AUNIP: variants seen among roughly 807,000 people sequenced by gnomAD.
AUNIP encodes the protein aurora kinase A and ninein interacting protein.
AUNIP carries 16 observed loss-of-function variants against 12.2 expected under a neutral mutation model. That is an observed-to-expected ratio of 1.31 (90% CI 0.88 to 1.99). AUNIP has a LOEUF of 1.99. Among genes scored for constraint, AUNIP ranks in the 30% most tolerant of loss-of-function variants. The pLI is 0.00. For synonymous variants in AUNIP, 142 were observed against 154.8 expected (o/e 0.92, Z 0.61); for missense variants, 411 against 419.1 (o/e 0.98, Z 0.17).
chr1:25,844,199 C>T (rs886545230), intron 1 of AUNIP, among the ~76,000 whole-genome samples: 2 of 152,206 alleles, frequency 1.3e-5, no homozygotes, highest in South Asian at 2.1e-4. Context: ...CTCCACCTCC[C>T]GGGTTCAAGC....
intron 1 of AUNIP, among the ~76,000 whole-genome samples, chr1:25,842,172 A>G (rs1035074463): frequency 5.3e-5 from 8 of 152,250 alleles, no homozygotes; most frequent in Non-Finnish European, 1.2e-4. Context: ...ATGCAAAGGA[A>G]AAGTTCTTGA....
At chr1:25,855,128 A>C (rs750503577) in intron 1 of AUNIP, among the ~76,000 whole-genome samples, 17 of 151,562 alleles carry the variant, frequency 1.1e-4, no homozygotes, top group Non-Finnish European at 2.5e-4. Flanking sequence ...GGCTAATTTT[A>C]GTATTTTCAG....
At chr1:25,837,014 A>G (rs1380328542) in intron 2 of AUNIP, among the ~76,000 whole-genome samples, 3 of 152,206 alleles carry the variant, frequency 2.0e-5, no homozygotes, top group African/African-American at 7.2e-5. Flanking sequence ...TGAACCTTTC[A>G]CTAATTTGAG....
Position 25,835,516 on chromosome 1 carries a change from A to C in AUNIP, c.551T>G (p.Leu184Trp), listed in dbSNP as rs372811027. ...CCCTTTTTCTTCCTTTCGGTCTAGC[A>C]AACAAGAACTTTCCAAGTCCTCGGT... ...SFTEDLESSC[L>W]LDRKEEKGDS... Residue 184 changes from leucine (L) to tryptophan (W), a missense_variant, in exon 3 of 3, where the codon TTG becomes TGG. Transcript: ENST00000374298. 2.5e-6 allele frequency: 4 copies of C among 1,614,230 alleles called. No homozygotes were observed. Among genetic ancestry groups the C allele is most frequent in the Non-Finnish European group, 3.4e-6 (4 of 1,180,042 alleles).
chr1:25,856,035 C>T (rs906005691), intron 1 of AUNIP, among the ~76,000 whole-genome samples: 1 of 152,140 alleles, frequency 6.6e-6, no homozygotes, highest in African/African-American at 2.4e-5. Context: ...TTCACCATAA[C>T]ATTGCCAGGG....
Position 25,835,425 on chromosome 1 carries a change from G to T in AUNIP, c.642C>A (p.His214Gln), listed in dbSNP as rs1271002711. Residue 214 changes from histidine (H) to glutamine (Q), a missense_variant, in exon 3 of 3, where the codon CAC becomes CAA. Physicochemically the swap from His to Gln is conservative, Grantham distance 24 (BLOSUM62 0). Transcript: ENST00000374298. ...AGCATTTGTCCCCAGGTAGTTTGGTGTGTTTCTCCATACTCTGATAGTTCT... is the reference window on the plus strand; with the variant it reads ...AGCATTTGTCCCCAGGTAGTTTGGTTTGTTTCTCCATACTCTGATAGTTCT... ...SKKNYQSMEK[H>Q]TKLPGDKCCQ... is the part of the protein sequence containing the mutation. The T allele has an allele frequency of 6.2e-7, 1 of 1,614,224 alleles. No individual in the cohort carries two copies. The highest frequency in any genetic ancestry group is 8.5e-7 in the Non-Finnish European group (1 of 1,180,040).
At chr1:25,832,075 A>G (rs1399218869), downstream of AUNIP, 10 of 1,613,672 alleles carry the variant, frequency 6.2e-6, no homozygotes, top group African/African-American at 1.3e-5. Flanking sequence ...AATACCTTCA[A>G]TAGCTGCCTT....
intron 1 of AUNIP, among the ~76,000 whole-genome samples, chr1:25,846,141 C>T (rs1406448272): frequency 5.9e-5 from 9 of 152,250 alleles, no homozygotes; most frequent in South Asian, 4.1e-4. Flanking sequence ...GCTCCCAGGC[C>T]GGGTGCGGCG....
intron 1 of AUNIP, among the ~76,000 whole-genome samples, chr1:25,848,700 G>A (rs777606877): frequency 5.9e-5 from 9 of 152,100 alleles, no homozygotes; most frequent in Non-Finnish European, 1.3e-4. Context: ...CTCTATAAGG[G>A]CTGAAAACTA....
intron 2 of AUNIP, among the ~76,000 whole-genome samples, chr1:25,837,158 C>T (rs1033972982): frequency 2.6e-5 from 4 of 151,926 alleles, no homozygotes; most frequent in Non-Finnish European, 5.9e-5. Flanking sequence ...GTACACCCTT[C>T]CTGACTGCTC....
chr1:25,855,704 C>T (rs2048455654), intron 1 of AUNIP, among the ~76,000 whole-genome samples: 1 of 152,134 alleles, frequency 6.6e-6, no homozygotes, highest in Non-Finnish European at 1.5e-5. Context: ...TTCAAAAACA[C>T]AGACACTAGG....
At chr1:25,843,906 G>A (rs1181607909) in intron 1 of AUNIP, among the ~76,000 whole-genome samples, 1 of 152,112 alleles carries the variant, frequency 6.6e-6, no homozygotes, top group Non-Finnish European at 1.5e-5. Context: ...CTCCTGGTGA[G>A]GATGCCGTGA....
chr1:25,857,939 G>A (rs1460170138), intron 1 of AUNIP, among the ~76,000 whole-genome samples: 1 of 151,958 alleles, frequency 6.6e-6, no homozygotes, highest in East Asian at 1.9e-4. Context: ...AGGCTGAGGC[G>A]GGCAGATCAC....
intron 1 of AUNIP, among the ~76,000 whole-genome samples, chr1:25,839,795 C>G (rs556313915): frequency 3.9e-5 from 6 of 152,134 alleles, no homozygotes; most frequent in Non-Finnish European, 2.9e-5. Context: ...TCCTGAGCAG[C>G]TGGGATTACA....
chr1:25,841,151 GCT>G (rs1386035770), intron 1 of AUNIP, among the ~76,000 whole-genome samples: 1 of 152,186 alleles, frequency 6.6e-6, no homozygotes, highest in African/African-American at 2.4e-5. Flanking sequence ...CCCAGTTATA[GCT>G]CTCTTAGAAG....
At chr1:25,855,953 G>A (rs893538525) in intron 1 of AUNIP, among the ~76,000 whole-genome samples, 5 of 152,208 alleles carry the variant, frequency 3.3e-5, no homozygotes, top group Non-Finnish European at 5.9e-5. Flanking sequence ...CTAGAAATCA[G>A]AATAAGTTAA....
At chr1:25,856,649 C>T (rs761282490) in intron 1 of AUNIP, among the ~76,000 whole-genome samples, 12 of 151,926 alleles carry the variant, frequency 7.9e-5, no homozygotes, top group Non-Finnish European at 1.6e-4. Context: ...CACTCCAGCC[C>T]GGGCAACAAG....
At chr1:25,854,920 A>AATG (rs1261837254) in intron 1 of AUNIP, among the ~76,000 whole-genome samples, 5 of 151,626 alleles carry the variant, frequency 3.3e-5, no homozygotes, top group Non-Finnish European at 7.4e-5. Flanking sequence ...CTAAAGCTGC[A>AATG]ATGTCATTTA....
intron 1 of AUNIP, among the ~76,000 whole-genome samples, chr1:25,857,285 A>C: frequency 7.3e-6 from 1 of 136,738 alleles, no homozygotes. Flanking sequence ...GTCTTCTGTC[A>C]CCCAGGCTGG....
Sources: gnomAD v4.1 joint callset for allele counts (sites outside exome capture counted in the v4.1 genomes callset) on GRCh38, gnomAD v4.1.1 for gene constraint, MANE v1.5 for transcripts, NCBI Gene and HGNC (gene_info 2026-07-23, HGNC 2026-07-21) for gene names.